The following PLCB4 variants were observed in gnomAD, a reference collection of about 807,000 sequenced individuals.
PLCB4 encodes the protein phospholipase C beta 4.
PLCB4 carries 77 observed loss-of-function variants against 178.8 expected under a neutral mutation model. That is an observed-to-expected ratio of 0.43 (90% CI 0.36 to 0.52). The LOEUF is 0.52. Ranked by LOEUF, PLCB4 falls within the 20% of genes least tolerant of loss-of-function variation. The pLI is 0.00. For missense variants in PLCB4, 1,024 were observed against 1,453.4 expected (o/e 0.70, Z 4.80); for synonymous variants, 496 against 490.8 (o/e 1.01, Z -0.14).
intron 3 of PLCB4, among the ~76,000 whole-genome samples, chr20:9,224,148 G>A (rs1453723791): frequency 6.6e-6 from 1 of 152,160 alleles, no homozygotes; most frequent in Non-Finnish European, 1.5e-5. Flanking sequence ...CACAATGTGC[G>A]AAGATAATAT....
intron 3 of PLCB4, among the ~76,000 whole-genome samples, chr20:9,291,342 C>T (rs2094578225): frequency 6.6e-6 from 1 of 152,092 alleles, no homozygotes; most frequent in African/African-American, 2.4e-5. Flanking sequence ...AATGTGCAGC[C>T]TCACTTACAT....
intron 28 of PLCB4, among the ~76,000 whole-genome samples, chr20:9,425,252 G>T (rs2040920381): frequency 6.6e-6 from 1 of 152,138 alleles, no homozygotes; most frequent in Admixed American, 6.5e-5. Context: ...GTGGCCATGG[G>T]GCATCAGCTG....
intron 3 of PLCB4, among the ~76,000 whole-genome samples, chr20:9,251,798 A>G (rs958028309): frequency 2.0e-5 from 3 of 152,214 alleles, no homozygotes; most frequent in African/African-American, 7.2e-5. Flanking sequence ...AATGCTAGCC[A>G]CATACATAAT....
intron 2 of PLCB4, among the ~76,000 whole-genome samples, chr20:9,203,011 G>A (rs765681074): frequency 7.1e-6 from 1 of 140,688 alleles, no homozygotes; most frequent in Non-Finnish European, 1.5e-5. Context: ...AATGTCTCAT[G>A]GAACAGATGG....
At chr20:9,408,756 C>A in intron 23 of PLCB4, 39 bp downstream of exon 23, 1 of 1,113,784 alleles carries the variant, frequency 9.0e-7, no homozygotes, top group African/African-American at 1.5e-5. Context: ...GGTTGACTCA[C>A]GTTGGTTTGG....
intron 2 of PLCB4, among the ~76,000 whole-genome samples, chr20:9,149,912 A>T (rs1352836586): frequency 1.3e-5 from 2 of 152,166 alleles, no homozygotes; most frequent in Admixed American, 1.3e-4. Flanking sequence ...ACTGCAGTGC[A>T]ATCTTAACAA....
At chr20:9,088,079 C>G (rs2090513532) in intron 1 of PLCB4, among the ~76,000 whole-genome samples, 1 of 152,186 alleles carries the variant, frequency 6.6e-6, no homozygotes, top group African/African-American at 2.4e-5. Context: ...ATGCACAAGC[C>G]ATGGTTTCTG....
intron 32 of PLCB4, among the ~76,000 whole-genome samples, chr20:9,448,568 C>T (rs2042555221): frequency 6.6e-6 from 1 of 152,038 alleles, no homozygotes; most frequent in Non-Finnish European, 1.5e-5. Flanking sequence ...GCTTTGAATG[C>T]AGCCCAACAC....
At chr20:9,258,570 C>T (rs1476594530) in intron 3 of PLCB4, among the ~76,000 whole-genome samples, 1 of 151,804 alleles carries the variant, frequency 6.6e-6, no homozygotes, top group African/African-American at 2.4e-5. Context: ...CCAAAATTAG[C>T]CGGGTGTGGT....
chr20:9,295,612 G>A (rs2094625050), intron 3 of PLCB4, among the ~76,000 whole-genome samples: 1 of 152,106 alleles, frequency 6.6e-6, no homozygotes, highest in Non-Finnish European at 1.5e-5. Context: ...GTGTAAGGAA[G>A]GGATCCAGTT....
Position 9,365,506 on chromosome 20 carries a change from AG to A in PLCB4, c.496del (p.Val166LeufsTer16). 1 of 1,601,242 alleles carries A rather than the reference AG, an allele frequency of 6.2e-7. No homozygotes were observed. Among genetic ancestry groups the A allele is most frequent in the Non-Finnish European group, 8.6e-7 (1 of 1,168,788 alleles). ...TGACCAACACAAATGGTAAAATTCCAGTTAGGAGGTAAGTAATCATTCCTAT... is the reference window on the plus strand; with the variant it reads ...TGACCAACACAAATGGTAAAATTCCATTAGGAGGTAAGTAATCATTCCTAT... Reference protein sequence around the residue: ...FMTNTNGKIPVRSITRTFASG... With the variant: ...FMTNTNGKIPXRSITRTFASG... On this transcript the variant is annotated frameshift_variant, in exon 9 of 40. Coordinates refer to ENST00000378473, the MANE Select transcript of PLCB4 (RefSeq NM_001377142.1). LOFTEE classifies it high-confidence loss of function.
chr20:9,186,710 C>G (rs1032920954), intron 2 of PLCB4, among the ~76,000 whole-genome samples: 1 of 152,138 alleles, frequency 6.6e-6, no homozygotes, highest in East Asian at 1.9e-4. Context: ...ACTTTGCAGA[C>G]TGAGTTCTTT....
intron 14 of PLCB4, among the ~76,000 whole-genome samples, chr20:9,387,145 C>A (rs1602291842): frequency 6.6e-6 from 1 of 151,984 alleles, no homozygotes; most frequent in African/African-American, 2.4e-5. Context: ...GATCCGCCTT[C>A]CTAGGACACA....
At chr20:9,425,960 C>T (rs942526139) in intron 28 of PLCB4, among the ~76,000 whole-genome samples, 6 of 152,102 alleles carry the variant, frequency 3.9e-5, no homozygotes, top group South Asian at 2.1e-4. Context: ...TAGCCAACCT[C>T]CCACATTCAT....
chr20:9,227,603 G>T (rs1325767847), intron 3 of PLCB4, among the ~76,000 whole-genome samples: 2 of 152,018 alleles, frequency 1.3e-5, no homozygotes, highest in East Asian at 3.9e-4. Flanking sequence ...GAATCATCTT[G>T]GCACCCTTGT....
Position 9,408,680 on chromosome 20 carries a change from C to T in PLCB4, c.1837C>T (p.Leu613Phe). 1.3e-6 allele frequency: 2 copies of T among 1,590,208 alleles called. No individual in the cohort carries two copies. The highest frequency in any genetic ancestry group is 1.7e-6 in the Non-Finnish European group (2 of 1,158,558). ...NMSSFNESVG[L>F]GYLKTHAIEF... ...GTCTTCTTTTAATGAATCAGTCGGT[C>T]TTGGCTACTTGAAGACACATGCAAT... Residue 613 changes from leucine to phenylalanine, a missense_variant, in exon 23 of 40, where the codon CTT (leucine) becomes TTT (phenylalanine). Coordinates refer to ENST00000378473, the MANE Select transcript of PLCB4 (RefSeq NM_001377142.1).
At chr20:9,375,447 C>T (rs6086863) in intron 12 of PLCB4, among the ~76,000 whole-genome samples, 5,894 of 152,154 alleles carry the variant, frequency 0.039, 185 homozygotes, top group Non-Finnish European at 0.061. Context: ...CATTGGAAGC[C>T]CCTGTGAAGG....
At chr20:9,264,633 C>G (rs6118549) in intron 3 of PLCB4, among the ~76,000 whole-genome samples, 2 of 152,082 alleles carry the variant, frequency 1.3e-5, no homozygotes, top group Admixed American at 1.3e-4. Context: ...CTGTATTTAT[C>G]AAAACAGTTT....
At chr20:9,458,114 C>A (rs77691809) in intron 34 of PLCB4, among the ~76,000 whole-genome samples, 1 of 151,734 alleles carries the variant, frequency 6.6e-6, no homozygotes, top group Non-Finnish European at 1.5e-5. Flanking sequence ...AAAAAAAAAC[C>A]AACAACAACT....
Sources: gnomAD v4.1 joint callset for allele counts (sites outside exome capture counted in the v4.1 genomes callset) on GRCh38, gnomAD v4.1.1 for gene constraint, MANE v1.5 for transcripts, NCBI Gene and HGNC (gene_info 2026-07-23, HGNC 2026-07-21) for gene names.